Variants in NPHP3 observed in about 807,000 individuals in gnomAD.
NPHP3 encodes the protein nephrocystin-3.
Under a neutral mutation model 171.9 loss-of-function variants are expected in NPHP3, and 123 were observed. The ratio of observed to expected loss-of-function variants is 0.72; its 90% CI spans 0.62 to 0.83. NPHP3 has a LOEUF of 0.83. Among genes scored for constraint, NPHP3 ranks in the 40% least tolerant of loss-of-function variants. The probability of loss-of-function intolerance (pLI) is 0.00; values close to 1 mark genes in which losing one functional copy is unlikely to be tolerated. For missense variants in NPHP3, 1,506 were observed against 1,591.9 expected (o/e 0.95, Z 0.92); for synonymous variants, 558 against 579.2 (o/e 0.96, Z 0.52).
intron 3 of NPHP3, chr3:132,717,139 G>T: frequency 4.3e-6 from 2 of 460,852 alleles, no homozygotes; most frequent in Middle Eastern, 5.9e-4. Context: ...AGAGAAAGAT[G>T]AAAATAAACA....
At chr3:132,690,805 G>T (rs965036464) in intron 18 of NPHP3, among the ~76,000 whole-genome samples, 155 bp from the exon 19 acceptor site, 2 of 152,036 alleles carry the variant, frequency 1.3e-5, no homozygotes, top group Non-Finnish European at 2.9e-5. Flanking sequence ...CAAAATCAGA[G>T]ACTTTACCAA....
chr3:132,692,879 T>C, intron 16 of NPHP3, 61 bp from the exon 17 acceptor site: 1 of 1,374,342 alleles, frequency 7.3e-7, no homozygotes, highest in Non-Finnish European at 1.0e-6. Context: ...CTAACGGCCA[T>C]TAAAAGTTCC....
At chr3:132,701,182 G>A (rs970780248) in intron 10 of NPHP3, among the ~76,000 whole-genome samples, 1 of 152,076 alleles carries the variant, frequency 6.6e-6, no homozygotes, top group African/African-American at 2.4e-5. Context: ...CACTCCCATA[G>A]CTGTTACTTA....
intron 2 of NPHP3, among the ~76,000 whole-genome samples, chr3:132,719,456 A>T (rs539140779): frequency 6.6e-5 from 10 of 152,254 alleles, no homozygotes; most frequent in Non-Finnish European, 1.2e-4. Context: ...TTTTCCCCAT[A>T]TGGAAACGCT....
intron 5 of NPHP3, among the ~76,000 whole-genome samples, chr3:132,714,474 A>G (rs1167440299): frequency 6.6e-6 from 1 of 152,190 alleles, no homozygotes; most frequent in Admixed American, 6.5e-5. Flanking sequence ...ACAATCAACA[A>G]GAGTCTTAAA....
Position 132,684,690 on chromosome 3 carries a change from C to A in NPHP3, c.3434G>T (p.Cys1145Phe). The A allele has an allele frequency of 1.2e-6, 2 of 1,614,068 alleles. No homozygotes were observed. Among genetic ancestry groups the A allele is most frequent in the Non-Finnish European group, 1.7e-6 (2 of 1,179,982 alleles). ...TTTATCATACTGTTTCTTTTCATTGCATAGAGCTGCCAGATTATTCAAAGA... is the reference window on the plus strand; with the variant it reads ...TTTATCATACTGTTTCTTTTCATTGAATAGAGCTGCCAGATTATTCAAAGA... ...AQSLNNLAAL[C>F]NEKKQYDKAE... The change falls in exon 24 of 27, where the codon TGC (cysteine) becomes TTC (phenylalanine). Residue 1145 changes from cysteine to phenylalanine, a missense_variant. By Grantham distance (205) the Cys-to-Phe change is radical. Transcript: ENST00000337331.
intron 16 of NPHP3, chr3:132,693,863 ACT>A (rs1939371625): frequency 6.7e-6 from 1 of 148,234 alleles, no homozygotes; most frequent in African/African-American, 2.5e-5. Flanking sequence ...ACAAGGCGAG[ACT>A]CTGTCTCGGG....
In NPHP3 at chr3:132,699,945, G is replaced by A. The variant is rs1435462717; in HGVS notation, c.1860C>T (p.Ile620=). The A allele has an allele frequency of 1.2e-6, 2 of 1,614,098 alleles. No homozygotes were observed. The highest frequency in any genetic ancestry group is 1.7e-6 in the Non-Finnish European group (2 of 1,180,020). The change falls in exon 12 of 27, where the codon ATC becomes ATT. Residue 620 remains isoleucine (I), a synonymous_variant. Coordinates refer to ENST00000337331, the MANE Select transcript of NPHP3 (RefSeq NM_153240.5). ...GAACTTGATCTATAGAATCAATAACGATGATGATGCTGCCTTGATGACGAG... is the reference window on the plus strand; with the variant it reads ...GAACTTGATCTATAGAATCAATAACAATGATGATGCTGCCTTGATGACGAG... ...LSARHQGSII[I]VIDSIDQVQQ...
rs1303367520 is a variant in NPHP3, at chr3:132,682,507, C to T, written c.3812+196G>A. On this transcript the variant is annotated intron_variant, in intron 26 of 26. Transcript: ENST00000337331. ...CTGTTTGCCATGATGCATACATATGCTCCTCTGCAAAATAGATCATGCAGG... is the reference window on the plus strand; with the variant it reads ...CTGTTTGCCATGATGCATACATATGTTCCTCTGCAAAATAGATCATGCAGG... 8 of 599,256 alleles carry T rather than the reference C, an allele frequency of 1.3e-5. No individual in the cohort carries two copies. In the Admixed American group the frequency reaches 2.1e-4, roughly 15 times the overall value. 37.1% of individuals were successfully genotyped at this position (599,256 alleles called of 1,614,324 possible). A position where few individuals can be genotyped will look rare whatever the true frequency, so the allele number is the denominator to read the frequency against.
intron 18 of NPHP3, among the ~76,000 whole-genome samples, chr3:132,690,891 TA>T (rs141757695): frequency 6.6e-6 from 1 of 152,138 alleles, no homozygotes; most frequent in East Asian, 1.9e-4. Context: ...TTGAACTATT[TA>T]AAAAAACACT....
At chr3:132,683,591 C>T (rs950107678) in intron 24 of NPHP3, 67 bp from the exon 25 acceptor site, 19 of 1,332,580 alleles carry the variant, frequency 1.4e-5, no homozygotes, top group Middle Eastern at 1.9e-4. Flanking sequence ...AGAGCTTTTT[C>T]CATAAGTAAA....
intron 6 of NPHP3, among the ~76,000 whole-genome samples, chr3:132,709,684 G>A (rs749219583): frequency 6.6e-5 from 10 of 152,010 alleles, no homozygotes; most frequent in Non-Finnish European, 1.3e-4. Flanking sequence ...ATGTTTTTGT[G>A]GGGGGTGTGT....
At chr3:132,691,005 T>A (rs999257516) in intron 18 of NPHP3, among the ~76,000 whole-genome samples, 187 bp downstream of exon 18, 5 of 152,220 alleles carry the variant, frequency 3.3e-5, no homozygotes, top group African/African-American at 1.2e-4. Context: ...TTTAAACTTT[T>A]AGCATAATAT....
At chr3:132,712,531 C>G (rs1939939276) in intron 6 of NPHP3, 1 of 453,752 alleles carries the variant, frequency 2.2e-6, no homozygotes, top group African/African-American at 2.0e-5. Flanking sequence ...CTTTGGGAGG[C>G]CAAGGCAGGG....
intron 17 of NPHP3, among the ~76,000 whole-genome samples, chr3:132,691,684 GTA>G (rs946981096): frequency 6.6e-6 from 1 of 151,862 alleles, no homozygotes; most frequent in African/African-American, 2.4e-5. Flanking sequence ...ATTTACAATT[GTA>G]TATATATATA....
chr3:132,718,992 A>G lies in NPHP3; in HGVS notation c.670+2T>C. The G allele has an allele frequency of 6.2e-7, 1 of 1,614,046 alleles. No homozygotes were observed. Among genetic ancestry groups the G allele is most frequent in the Non-Finnish European group, 8.5e-7 (1 of 1,179,896 alleles). On this transcript the variant is annotated splice_donor_variant, in intron 3 of 26. Coordinates refer to ENST00000337331, the MANE Select transcript of NPHP3 (RefSeq NM_153240.5). LOFTEE classifies it high-confidence loss of function. ...CAAAATATAAATAGGATATACACTT[A>G]CCAGTGACATCTGTACAGTTGTCAT...
rs754886284 is a variant in NPHP3, at chr3:132,692,785, C to T, written c.2344G>A (p.Val782Met). ...AGTTCCATCAGTTCTGATTCACTCA[C>T]ACCATTGTGACTAACATTGACAAGG... The part of the protein sequence containing the change: ...LCLVNVSHNG[V>M]SESELMELYP... Residue 782 changes from valine to methionine, a missense_variant, in exon 17 of 27, where the codon GTG (valine) becomes ATG (methionine). Val to Met is a conservative substitution (Grantham distance 21, BLOSUM62 1). Around this residue, in one of 3 missense-constraint regions of NPHP3, gnomAD observed 569 missense variants for 648.1 expected, o/e 0.88. Coordinates refer to ENST00000337331, the MANE Select transcript of NPHP3 (RefSeq NM_153240.5). 6 of 1,613,902 alleles carry T rather than the reference C, an allele frequency of 3.7e-6. No homozygotes were observed. The African/African-American group carries it at 5.3e-5, about 14-fold the overall frequency.
chr3:132,686,162 ATTTTT>A, intron 23 of NPHP3, 93 bp downstream of exon 23: 1 of 1,362,238 alleles, frequency 7.3e-7, no homozygotes, highest in East Asian at 2.3e-5. Context: ...GGTTTTTATC[ATTTTT>A]TTTCTAGCTT....
Position 132,721,986 on chromosome 3 carries a change from T to A in NPHP3, c.370A>T (p.Lys124Ter). ...RREAKLDTEN[K>*]RLRAELQALQ... ...ACCTGCAGTTCGGCCCGCAGCCGCTTGTTCTCCGTGTCCAGCTTGGCCTCG... is the reference window on the plus strand; with the variant it reads ...ACCTGCAGTTCGGCCCGCAGCCGCTAGTTCTCCGTGTCCAGCTTGGCCTCG... Residue 124 changes from lysine (K) to a stop codon, truncating the protein, a stop_gained, in exon 1 of 27, where the codon AAG becomes TAG. Transcript: ENST00000337331. LOFTEE classifies it high-confidence loss of function. 6.2e-7 allele frequency: 1 copy of A among 1,613,112 alleles called. No homozygotes were observed. Among genetic ancestry groups the A allele is most frequent in the Non-Finnish European group, 8.5e-7 (1 of 1,179,894 alleles).
Sources: gnomAD v4.1 joint callset for allele counts (sites outside exome capture counted in the v4.1 genomes callset) on GRCh38, gnomAD v4.1.1 for gene constraint, gnomAD v4.1.1 regional missense constraint, MANE v1.5 for transcripts, NCBI Gene and HGNC (gene_info 2026-07-23, HGNC 2026-07-21) for gene names.